The following ESRP1 variants were observed in gnomAD, a reference collection of about 807,000 sequenced individuals.
The protein encoded by ESRP1 is epithelial splicing regulatory protein 1, also known as RNA-binding motif protein 35A.
Under a neutral mutation model 81.7 loss-of-function variants are expected in ESRP1, and 33 were observed. That is an observed-to-expected ratio of 0.40 (90% CI 0.31 to 0.54). ESRP1 has a LOEUF of 0.54. Among genes scored for constraint, ESRP1 ranks in the 20% least tolerant of loss-of-function variants. The pLI is 0.41. For synonymous variants in ESRP1, 320 were observed against 303.3 expected (o/e 1.06, Z -0.57); for missense variants, 672 against 833.1 (o/e 0.81, Z 2.38).
At chr8:94,643,224 C>A in intron 2 of ESRP1, 79 bp from the exon 3 acceptor site, 1 of 975,712 alleles carries the variant, frequency 1.0e-6, no homozygotes, top group South Asian at 1.4e-5. Flanking sequence ...TTTTCTCTGG[C>A]TATCACCAAG....
chr8:94,676,147 G>A (rs1247158644), intron 12 of ESRP1, among the ~76,000 whole-genome samples: 2 of 152,106 alleles, frequency 1.3e-5, no homozygotes, highest in Non-Finnish European at 2.9e-5. Flanking sequence ...GCTGAGGCAG[G>A]TGGATCACAT....
chr8:94,692,772 G>A lies in ESRP1; in HGVS notation c.1916G>A (p.Gly639Asp). 6.2e-7 allele frequency: 1 copy of A among 1,613,812 alleles called. No homozygotes were observed. ...PQPGTVVRMQ[G>D]LAYNTGVKEI... ...CCTGGCACGGTGGTCAGAATGCAGG[G>A]CCTGGCCTACAATACTGGAGTTAAG... Residue 639 changes from glycine to aspartate, a missense_variant, in exon 14 of 16, where the codon GGC becomes GAC. Physicochemically the swap from Gly to Asp is moderately conservative, Grantham distance 94 (BLOSUM62 -1). Coordinates refer to ENST00000433389, the MANE Select transcript of ESRP1 (RefSeq NM_017697.4).
Position 94,692,786 on chromosome 8 carries a change from A to G in ESRP1, c.1930A>G (p.Thr644Ala), listed in dbSNP as rs1809456495. ...CAGAATGCAGGGCCTGGCCTACAAT[A>G]CTGGAGTTAAGGAAATTCTTAACTT... ...VVRMQGLAYN[T>A]GVKEILNFFQ... Residue 644 changes from threonine (T) to alanine (A), a missense_variant, in exon 14 of 16, where the codon ACT becomes GCT. Thr to Ala is a moderately conservative substitution (Grantham distance 58). Coordinates refer to ENST00000433389, the MANE Select transcript of ESRP1 (RefSeq NM_017697.4). The G allele has an allele frequency of 2.5e-6, 4 of 1,613,626 alleles. No individual in the cohort carries two copies. In the African/African-American group the frequency reaches 4.0e-5, roughly 16 times the overall value.
At chr8:94,643,252 G>GTTTGTAAA in intron 2 of ESRP1, 51 bp from the exon 3 acceptor site, 1 of 1,288,534 alleles carries the variant, frequency 7.8e-7, no homozygotes, top group East Asian at 2.3e-5. Context: ...ACTTTGCAGA[G>GTTTGTAAA]TTTGTAAATC....
At chr8:94,683,190 C>T (rs1352760975) in intron 13 of ESRP1, among the ~76,000 whole-genome samples, 3 of 151,710 alleles carry the variant, frequency 2.0e-5, no homozygotes, top group East Asian at 1.9e-4. Context: ...GTGATCCGCC[C>T]GCCTCGGCCT....
intron 13 of ESRP1, among the ~76,000 whole-genome samples, chr8:94,690,133 TTTTG>T (rs1214937397): frequency 1.3e-5 from 2 of 149,772 alleles, no homozygotes; most frequent in East Asian, 1.9e-4. Context: ...TTTTTTGTTT[TTTTG>T]TTTGTTTGTT....
intron 14 of ESRP1, among the ~76,000 whole-genome samples, 181 bp downstream of exon 14, chr8:94,693,008 C>T (rs77593134): frequency 0.022 from 3,090 of 139,980 alleles, 97 homozygotes; most frequent in African/African-American, 0.074. Context: ...AGACTCATCC[C>T]CTTGTCAGAA....
At chr8:94,704,074 G>GT (rs1264968387) in intron 15 of ESRP1, among the ~76,000 whole-genome samples, 1 of 150,370 alleles carries the variant, frequency 6.7e-6, no homozygotes, top group Non-Finnish European at 1.5e-5. Flanking sequence ...ATATTTCCAT[G>GT]TTTTTTAAAT....
chr8:94,680,376 A>G (rs1808825703), intron 13 of ESRP1, among the ~76,000 whole-genome samples: 1 of 152,242 alleles, frequency 6.6e-6, no homozygotes, highest in South Asian at 2.1e-4. Context: ...CAAATCTGGT[A>G]TGATTTAAAA....
chr8:94,644,773 CAATT>C (rs1448406162), intron 3 of ESRP1, among the ~76,000 whole-genome samples: 7 of 152,008 alleles, frequency 4.6e-5, no homozygotes, highest in African/African-American at 7.2e-5. Flanking sequence ...GAAACTAAAA[CAATT>C]AATGTTATAG....
At chr8:94,655,624 G>T (rs1229359346) in intron 4 of ESRP1, among the ~76,000 whole-genome samples, 2 of 151,932 alleles carry the variant, frequency 1.3e-5, no homozygotes, top group Non-Finnish European at 2.9e-5. Context: ...GGGCACGGTG[G>T]CTCAGGCCTG....
intron 15 of ESRP1, among the ~76,000 whole-genome samples, chr8:94,703,872 G>A (rs1809948552): frequency 6.6e-6 from 1 of 152,110 alleles, no homozygotes; most frequent in Non-Finnish European, 1.5e-5. Flanking sequence ...TTAGGTGATG[G>A]GGCAGTTGTT....
chr8:94,696,157 G>C (rs1054882395), intron 14 of ESRP1, among the ~76,000 whole-genome samples: 2 of 152,224 alleles, frequency 1.3e-5, no homozygotes, highest in Admixed American at 6.5e-5. Flanking sequence ...AAACTACCAT[G>C]AAAATACTTG....
At chr8:94,661,781 T>C (rs1312969169) in intron 4 of ESRP1, among the ~76,000 whole-genome samples, 2 of 152,206 alleles carry the variant, frequency 1.3e-5, no homozygotes, top group Non-Finnish European at 2.9e-5. Flanking sequence ...TAATAGAATT[T>C]CTAAGCAAAA....
Position 94,656,510 on chromosome 8 carries a change from C to T in ESRP1, c.491-5762C>T, listed in dbSNP as rs1053055987. Among the ~76,000 whole-genome samples, 3 of 152,220 alleles carry T rather than the reference C, an allele frequency of 2.0e-5. No individual in the cohort carries two copies. In the South Asian group the frequency reaches 6.2e-4, roughly 32 times the overall value. On this transcript the variant is annotated intron_variant, in intron 4 of 15. Transcript: ENST00000433389. Reference sequence around the variant, plus strand: ...TGCTGAGATTACAGGCGTGAGCCACCACGCCCGGCCCATAAAGGTAACTCT... The same window carrying T: ...TGCTGAGATTACAGGCGTGAGCCACTACGCCCGGCCCATAAAGGTAACTCT...
At chr8:94,655,334 G>A (rs991530684) in intron 4 of ESRP1, among the ~76,000 whole-genome samples, 3 of 150,006 alleles carry the variant, frequency 2.0e-5, no homozygotes, top group Middle Eastern at 3.6e-3. Flanking sequence ...TGATCCACCC[G>A]CCTCGGCCTC....
intron 7 of ESRP1, 26 bp downstream of exon 7, chr8:94,664,833 A>G: frequency 1.2e-6 from 2 of 1,612,136 alleles, no homozygotes; most frequent in Non-Finnish European, 1.7e-6. Flanking sequence ...TATCTATTTT[A>G]CTTAACAATC....
At chr8:94,696,765 T>TAAA in intron 14 of ESRP1, 87 bp from the exon 15 acceptor site, 6 of 1,012,428 alleles carry the variant, frequency 5.9e-6, no homozygotes, top group Non-Finnish European at 8.7e-6. Context: ...TCCTATACTT[T>TAAA]TGTTGGTAGA....
At chr8:94,682,904 T>TTATA (rs1170938965) in intron 13 of ESRP1, among the ~76,000 whole-genome samples, 1,811 of 29,818 alleles carry the variant, frequency 0.061, 159 homozygotes, top group Non-Finnish European at 0.073. Flanking sequence ...ATTCATTATT[T>TTATA]TATATATATA....
Sources: allele counts gnomAD v4.1 joint callset (sites outside exome capture counted in the v4.1 genomes callset), GRCh38; gene constraint gnomAD v4.1.1; transcripts MANE v1.5; gene names NCBI Gene and HGNC (gene_info 2026-07-23, HGNC 2026-07-21).